Variants in SLC12A1 observed in about 807,000 individuals in gnomAD.
SLC12A1 encodes the protein Na-K-2Cl cotransporter.
SLC12A1 carries 89 observed loss-of-function variants against 130.4 expected under a neutral mutation model. The observed-to-expected ratio is 0.68, with a 90% CI of 0.58 to 0.81. The LOEUF (loss-of-function observed/expected upper bound fraction) is 0.81, where lower values mean the gene tolerates loss of function less well. SLC12A1 is among the 40% of genes least tolerant of loss of function. The pLI, the probability that SLC12A1 is intolerant of heterozygous loss-of-function variation, is 0.00. For missense variants in SLC12A1, 1,310 were observed against 1,336.4 expected (o/e 0.98, Z 0.31); for synonymous variants, 499 against 460.0 (o/e 1.08, Z -1.09).
chr15:48,225,379 C>A (rs2141025381), intron 4 of SLC12A1: 1 of 152,202 alleles, frequency 6.6e-6, no homozygotes, highest in African/African-American at 2.4e-5. Context: ...GTTATCTTGA[C>A]AGCTTGGAAT....
intron 9 of SLC12A1, among the ~76,000 whole-genome samples, chr15:48,240,054 TATATA>T (rs1659243914): frequency 1.2e-5 from 1 of 80,828 alleles, no homozygotes; most frequent in Non-Finnish European, 2.3e-5. Flanking sequence ...TATATCCATA[TATATA>T]TATATATATA....
chr15:48,260,282 T>C (rs1313531467), intron 17 of SLC12A1, among the ~76,000 whole-genome samples: 2 of 147,938 alleles, frequency 1.4e-5, no homozygotes, highest in Non-Finnish European at 3.0e-5. Flanking sequence ...ATAATAATAA[T>C]AATAAAGTCT....
At chr15:48,259,114 C>T in intron 16 of SLC12A1, 86 bp from the exon 17 acceptor site, 1 of 876,060 alleles carries the variant, frequency 1.1e-6, no homozygotes, top group Admixed American at 1.9e-5. Flanking sequence ...TTTTCCAAGC[C>T]TCTGTACCTG....
At chr15:48,254,289 G>A (rs1335776772) in intron 15 of SLC12A1, among the ~76,000 whole-genome samples, 1 of 151,748 alleles carries the variant, frequency 6.6e-6, no homozygotes, top group African/African-American at 2.4e-5. Context: ...GTTAATTTTT[G>A]TATATGATGT....
intron 17 of SLC12A1, among the ~76,000 whole-genome samples, chr15:48,264,138 CA>C (rs2141082750): frequency 6.6e-6 from 1 of 152,240 alleles, no homozygotes; most frequent in African/African-American, 2.4e-5. Flanking sequence ...ACACGGATAC[CA>C]AAATGTAAAT....
intron 2 of SLC12A1, among the ~76,000 whole-genome samples, chr15:48,215,532 A>G (rs532325010): frequency 1.4e-3 from 207 of 152,328 alleles, no homozygotes; most frequent in Middle Eastern, 6.8e-3. Context: ...AACTGGTTTC[A>G]GGCAGTAATC....
chr15:48,258,605 C>A (rs572705850), intron 16 of SLC12A1, among the ~76,000 whole-genome samples: 1 of 152,280 alleles, frequency 6.6e-6, no homozygotes, highest in East Asian at 1.9e-4. Context: ...CTTCTGGGCC[C>A]TCCAAACTGT....
At chr15:48,283,096 A>G (rs184225477) in intron 20 of SLC12A1, among the ~76,000 whole-genome samples, 12 of 152,330 alleles carry the variant, frequency 7.9e-5, no homozygotes, top group Admixed American at 4.6e-4. Context: ...ACTCCCAGGC[A>G]TCTCAAAATA....
Position 48,244,920 on chromosome 15 carries a change from CA to C in SLC12A1, c.1452+21del, listed in dbSNP as rs1234817257. The stretch of plus-strand genomic sequence containing the variant: ...CAATTTCCAGGTTTGAAGCAAAATT[CA>C]AAAATGTTCACTGCTATTATTTTCA... On this transcript the variant is annotated intron_variant, in intron 11 of 26. Coordinates refer to ENST00000380993, the MANE Select transcript of SLC12A1 (RefSeq NM_000338.3). The C allele has an allele frequency of 6.2e-7, 1 of 1,611,716 alleles. No individual in the cohort carries two copies. Among genetic ancestry groups the C allele is most frequent in the Non-Finnish European group, 8.5e-7 (1 of 1,178,476 alleles).
intron 8 of SLC12A1, 119 bp from the exon 9 acceptor site, chr15:48,234,758 A>C: frequency 2.0e-6 from 2 of 1,012,718 alleles, no homozygotes; most frequent in Non-Finnish European, 2.9e-6. Context: ...GTCTCAAAAA[A>C]AAAAAAATTA....
intron 24 of SLC12A1, 27 bp downstream of exon 24, chr15:48,291,891 G>T: frequency 7.6e-7 from 1 of 1,315,950 alleles, no homozygotes; most frequent in South Asian, 1.3e-5. Flanking sequence ...AAGAGACATT[G>T]ATTACCCATG....
At chr15:48,301,510 G>T in intron 26 of SLC12A1, 128 bp downstream of exon 26, 2 of 497,244 alleles carry the variant, frequency 4.0e-6, no homozygotes, top group East Asian at 5.2e-5. Flanking sequence ...TTTGGGGGGG[G>T]GAACACGTGG....
intron 21 of SLC12A1, among the ~76,000 whole-genome samples, chr15:48,286,895 A>C (rs181343606): frequency 6.6e-5 from 10 of 152,274 alleles, no homozygotes; most frequent in Admixed American, 4.6e-4. Flanking sequence ...ACTTGTCTGT[A>C]AGTGAGGGCA....
intron 25 of SLC12A1, among the ~76,000 whole-genome samples, chr15:48,299,638 C>A (rs1423833685): frequency 6.6e-6 from 1 of 152,072 alleles, no homozygotes; most frequent in Non-Finnish European, 1.5e-5. Context: ...CAATTTAACA[C>A]AATAAGAAAT....
chr15:48,221,518 G>T (rs1427156654), intron 4 of SLC12A1: 2 of 607,600 alleles, frequency 3.3e-6, no homozygotes, highest in African/African-American at 3.7e-5. Flanking sequence ...AATATTGCCA[G>T]ATACAAGCTT....
At chr15:48,258,568 C>T (rs1170442210) in intron 16 of SLC12A1, among the ~76,000 whole-genome samples, 1 of 152,104 alleles carries the variant, frequency 6.6e-6, no homozygotes, top group Non-Finnish European at 1.5e-5. Context: ...CTAGGAAGTT[C>T]CAAACTTTCC....
At chr15:48,209,714 T>C (rs2041029751) in intron 2 of SLC12A1, among the ~76,000 whole-genome samples, 1 of 152,172 alleles carries the variant, frequency 6.6e-6, no homozygotes. Flanking sequence ...TGCTCACCTT[T>C]CCTTCCACAA....
At chr15:48,268,563 T>C (rs2041858641) in intron 18 of SLC12A1, among the ~76,000 whole-genome samples, 1 of 152,170 alleles carries the variant, frequency 6.6e-6, no homozygotes, top group Non-Finnish European at 1.5e-5. Context: ...GCTTAATTGG[T>C]AATATTTTGG....
chr15:48,219,670 AAGAC>A (rs909649985), intron 2 of SLC12A1, among the ~76,000 whole-genome samples: 2 of 152,284 alleles, frequency 1.3e-5, no homozygotes, highest in Admixed American at 6.5e-5. Flanking sequence ...GAAAGAAAGA[AAGAC>A]AGAAAACATG....
Sources: allele counts gnomAD v4.1 joint callset (sites outside exome capture counted in the v4.1 genomes callset), GRCh38; gene constraint gnomAD v4.1.1; transcripts MANE v1.5; gene names NCBI Gene and HGNC (gene_info 2026-07-23, HGNC 2026-07-21).